BACH2: variants seen among roughly 807,000 people sequenced by gnomAD.
BACH2 encodes the protein BACH transcriptional regulator 2, also known as transcription regulator protein BACH2.
A neutral mutation model predicts 61.8 loss-of-function variants in BACH2; 5 were observed. That is an observed-to-expected ratio of 0.08 (90% CI 0.04 to 0.17). BACH2 has a LOEUF of 0.17. Ranked by LOEUF, BACH2 falls within the 10% of genes least tolerant of loss-of-function variation. The pLI is 1.00. For missense variants in BACH2, 824 were observed against 1,091.1 expected, an observed-to-expected ratio of 0.76 and a Z score of 3.45; for synonymous variants, 446 against 440.1, an observed-to-expected ratio of 1.01 and a Z score of -0.17.
intron 4 of BACH2, among the ~76,000 whole-genome samples, chr6:90,163,525 G>T (rs1767479340): frequency 1.3e-5 from 2 of 151,918 alleles, no homozygotes. Flanking sequence ...AAGCAGCTAA[G>T]CCCTGATTTT....
In BACH2 at chr6:90,287,512, T is replaced by C. The variant is rs115124688; in HGVS notation, c.-446+8968A>G. Among the ~76,000 whole-genome samples, 570 of 152,308 alleles carry C rather than the reference T, an allele frequency of 3.7e-3. 3 individuals carry two copies. The highest frequency in any genetic ancestry group is 0.013 in the African/African-American group (537 of 41,564). ...AGCTTTGTTTAAATGTTAAATAACA[T>C]ACCATCTTGCTATAGAGGTTTATGT... On this transcript the variant is annotated intron_variant, in intron 1 of 8. Transcript: ENST00000257749.
intron 7 of BACH2, among the ~76,000 whole-genome samples, chr6:89,947,666 C>CG (rs1310371369): frequency 6.6e-6 from 1 of 151,816 alleles, no homozygotes; most frequent in African/African-American, 2.4e-5. Context: ...CCCGGGCTCA[C>CG]GCCATTCTCC....
chr6:89,961,347 C>T (rs1774734573), intron 6 of BACH2, among the ~76,000 whole-genome samples: 1 of 152,188 alleles, frequency 6.6e-6, no homozygotes. Flanking sequence ...AAGCATCCCA[C>T]TCACTGGTAA....
At position 89,930,732 on chromosome 6, in the gene BACH2, G is replaced by A. The variant is rs1772597397; in HGVS notation, c.*1676C>T. 1 of 152,758 alleles carries A rather than the reference G, an allele frequency of 6.5e-6. No homozygotes were observed. Among genetic ancestry groups the A allele is most frequent in the Non-Finnish European group, 1.5e-5 (1 of 68,056 alleles). The allele number at this position is 152,758 out of a possible 1,614,324, so 9.5% of individuals were successfully genotyped here. A position where few individuals can be genotyped will look rare whatever the true frequency, so the allele number is the denominator to read the frequency against. ...AGAAAATTATCATCAGGTGAGGGTA[G>A]GGTATGTGTGTGATTCGGGAAGGGG... is the stretch of plus-strand genomic sequence containing the variant. On this transcript the variant is annotated 3_prime_UTR_variant, in exon 9 of 9. Coordinates refer to ENST00000257749, the MANE Select transcript of BACH2 (RefSeq NM_021813.4).
chr6:90,172,925 T>C (rs2127837947), intron 4 of BACH2, among the ~76,000 whole-genome samples: 1 of 151,800 alleles, frequency 6.6e-6, no homozygotes, highest in East Asian at 1.9e-4. Flanking sequence ...CCATGGCATG[T>C]TAGGCTGAAA....
intron 4 of BACH2, among the ~76,000 whole-genome samples, chr6:90,122,322 C>T (rs1783662646): frequency 6.6e-6 from 1 of 152,130 alleles, no homozygotes; most frequent in Non-Finnish European, 1.5e-5. Context: ...AAGCAAGGAT[C>T]GAGTCAGTAC....
At position 89,930,753 on chromosome 6, in the gene BACH2, A is replaced by G. The variant is rs1296340765; in HGVS notation, c.*1655T>C. On this transcript the variant is annotated 3_prime_UTR_variant, in exon 9 of 9. Transcript: ENST00000257749. ...GGTAGGGTATGTGTGTGATTCGGGA[A>G]GGGGACAGGGAGGGTTCCCGGTGAT... 6.6e-6 allele frequency: 1 copy of G among 152,604 alleles called. No individual in the cohort carries two copies. The highest frequency in any genetic ancestry group is 1.5e-5 in the Non-Finnish European group (1 of 68,042). The allele number at this position is 152,604 out of a possible 1,614,324, so 9.5% of individuals were successfully genotyped here. A position where few individuals can be genotyped will look rare whatever the true frequency, so the allele number is the denominator to read the frequency against.
intron 4 of BACH2, among the ~76,000 whole-genome samples, chr6:90,203,542 T>C (rs1009806953): frequency 1.3e-5 from 2 of 152,022 alleles, no homozygotes; most frequent in East Asian, 3.9e-4. Context: ...TTTGGGAGAA[T>C]GCACACCCTG....
At chr6:90,205,105 G>A (rs1403250541) in intron 4 of BACH2, among the ~76,000 whole-genome samples, 1 of 152,168 alleles carries the variant, frequency 6.6e-6, no homozygotes, top group South Asian at 2.1e-4. Flanking sequence ...GGCCCTTCGT[G>A]CCCATGAGAA....
chr6:90,130,627 T>C (rs1390554423), intron 4 of BACH2, among the ~76,000 whole-genome samples: 1 of 152,216 alleles, frequency 6.6e-6, no homozygotes, highest in Non-Finnish European at 1.5e-5. Context: ...GCTCATGGAC[T>C]TCTATCTACC....
At chr6:90,062,957 C>T (rs1780764506) in intron 5 of BACH2, 1 of 983,502 alleles carries the variant, frequency 1.0e-6, no homozygotes, top group African/African-American at 1.7e-5. Context: ...CGTTTTTCTT[C>T]TTTTACCTGG....
intron 4 of BACH2, among the ~76,000 whole-genome samples, chr6:90,193,139 T>C (rs973290405): frequency 6.6e-6 from 1 of 152,178 alleles, no homozygotes; most frequent in African/African-American, 2.4e-5. Flanking sequence ...CGACTGTGAT[T>C]AAGAAGTGAG....
chr6:90,081,915 C>T (rs1354915120), intron 5 of BACH2, among the ~76,000 whole-genome samples: 1 of 152,100 alleles, frequency 6.6e-6, no homozygotes, highest in East Asian at 1.9e-4. Flanking sequence ...AGGCCTAGTA[C>T]TCTCCAAAGG....
chr6:90,073,357 A>G (rs1470117700), intron 5 of BACH2, among the ~76,000 whole-genome samples: 1 of 152,230 alleles, frequency 6.6e-6, no homozygotes, highest in Non-Finnish European at 1.5e-5. Context: ...AAGATGACCT[A>G]ACACAGAATG....
At chr6:90,242,075 G>C (rs560654844) in intron 3 of BACH2, among the ~76,000 whole-genome samples, 1 of 152,006 alleles carries the variant, frequency 6.6e-6, no homozygotes, top group South Asian at 2.1e-4. Flanking sequence ...TAATTAATGA[G>C]CCAATGATGA....
rs1248047622 is a variant in BACH2, at chr6:89,931,972, T to A, written c.*436A>T. The A allele has an allele frequency of 1.4e-5, 2 of 147,898 alleles. No individual in the cohort carries two copies. The highest frequency in any genetic ancestry group is 4.9e-5 in the African/African-American group (2 of 40,656). 9.2% of individuals were successfully genotyped at this position (147,898 alleles called of 1,614,324 possible). A position where few individuals can be genotyped will look rare whatever the true frequency, so the allele number is the denominator to read the frequency against. On this transcript the variant is annotated 3_prime_UTR_variant, in exon 9 of 9. Transcript: ENST00000257749. ...ATATATATATATTTTATATATATATTATATATAATATGTACAGTCTAGCTA... is the reference window on the plus strand; with the variant it reads ...ATATATATATATTTTATATATATATAATATATAATATGTACAGTCTAGCTA...
rs368416831 is a variant in BACH2, at chr6:89,932,619, G to A, written c.2315C>T (p.Pro772Leu). 1.2e-4 allele frequency: 198 copies of A among 1,613,846 alleles called. 1 individual carries two copies. The highest frequency in any genetic ancestry group is 1.5e-4 in the Non-Finnish European group (181 of 1,179,972). ...GGGGGGTCCGGGGGGAGCCGCGCCT[G>A]GCTCCAAGCAGCAGGGCACGTTTTC... is the stretch of plus-strand genomic sequence containing the variant. Reference protein sequence around the residue: ...VGENVPCCLEPGAAPPGPPWA... With the variant: ...VGENVPCCLELGAAPPGPPWA... Residue 772 changes from proline (P) to leucine (L), a missense_variant, in exon 9 of 9, where the codon CCA becomes CTA. Pro to Leu is a moderately conservative substitution (Grantham distance 98). Coordinates refer to ENST00000257749, the MANE Select transcript of BACH2 (RefSeq NM_021813.4).
intron 4 of BACH2, among the ~76,000 whole-genome samples, chr6:90,131,907 C>T (rs1042012835): frequency 1.3e-5 from 2 of 152,186 alleles, no homozygotes; most frequent in Non-Finnish European, 2.9e-5. Flanking sequence ...AAAGTGATTG[C>T]ATTCCTAAAT....
chr6:90,208,640 C>T (rs935283930), intron 3 of BACH2, among the ~76,000 whole-genome samples: 1 of 152,102 alleles, frequency 6.6e-6, no homozygotes, highest in Non-Finnish European at 1.5e-5. Flanking sequence ...TGGAAGACAG[C>T]GTGGTGATTC....
Sources: allele counts gnomAD v4.1 joint callset (sites outside exome capture counted in the v4.1 genomes callset), GRCh38; gene constraint gnomAD v4.1.1; transcripts MANE v1.5; gene names NCBI Gene and HGNC (gene_info 2026-07-23, HGNC 2026-07-21).